BCL2L13: variants seen among roughly 807,000 people sequenced by gnomAD.
BCL2L13 encodes the protein bcl-2-like protein 13.
In BCL2L13, 13 loss-of-function variants were observed where a neutral mutation model predicts 25.8. That is an observed-to-expected ratio of 0.50 (90% confidence interval 0.33 to 0.80). BCL2L13 has a LOEUF of 0.80. Among genes scored for constraint, BCL2L13 ranks in the 30% least tolerant of loss-of-function variants. The pLI is 0.02. For synonymous variants in BCL2L13, 244 were observed against 230.3 expected (o/e 1.06, Z -0.54); for missense variants, 504 against 574.9 (o/e 0.88, Z 1.26).
chr22:17,631,711 T>A (rs1184244232), intron 1 of BCL2L13, among the ~76,000 whole-genome samples: 2 of 19,986 alleles, frequency 1.0e-4, no homozygotes, highest in African/African-American at 1.7e-4. Flanking sequence ...TATATATTTT[T>A]TTTTTTTTTT....
In BCL2L13 at chr22:17,671,393, C is replaced by CA. The variant is rs33951569; in HGVS notation, c.122-11797dup. Among the ~76,000 whole-genome samples, 93 of 69,034 alleles carry CA rather than the reference C, an allele frequency of 1.3e-3. 2 individuals are homozygous for CA. The highest frequency in any genetic ancestry group is 1.6e-3 in the Non-Finnish European group (62 of 37,702). The allele number at this position is 69,034 out of a possible 152,430, so 45.3% of individuals were successfully genotyped here. A position where few individuals can be genotyped will look rare whatever the true frequency, so the allele number is the denominator to read the frequency against. On this transcript the variant is annotated intron_variant, in intron 2 of 6. Coordinates refer to ENST00000317582, the MANE Select transcript of BCL2L13 (RefSeq NM_015367.4). ...TGGGTGACAGAGCGAGACTCCATCTCAAAAAAAAAAAAAAAAAAAAAAAAT... is the reference window on the plus strand; with the variant it reads ...TGGGTGACAGAGCGAGACTCCATCTCAAAAAAAAAAAAAAAAAAAAAAAAAT...
Position 17,715,227 on chromosome 22 carries a change from G to GC in BCL2L13, c.601-11449dup, listed in dbSNP as rs200660000. 3.0e-3 allele frequency among the ~76,000 whole-genome samples: 365 copies of GC among 122,954 alleles called. 1 individual carries two copies. The highest frequency in any genetic ancestry group is 0.011 in the African/African-American group (348 of 31,590). 80.7% of individuals were successfully genotyped at this position (122,954 alleles called of 152,430 possible). ...TTGAGGTAGGGTCTCGGTTACCCAGGCTGGAGTACAGTGGTGCAGACTTGG... is the reference window on the plus strand; with the variant it reads ...TTGAGGTAGGGTCTCGGTTACCCAGGCCTGGAGTACAGTGGTGCAGACTTGG... On this transcript the variant is annotated intron_variant, in intron 6 of 6. Transcript: ENST00000317582.
At chr22:17,687,189 T>C (rs1377572418) in intron 3 of BCL2L13, among the ~76,000 whole-genome samples, 1 of 152,228 alleles carries the variant, frequency 6.6e-6, no homozygotes, top group Admixed American at 6.5e-5. Flanking sequence ...GCAAGCGGCC[T>C]GCTTTCCTGG....
chr22:17,702,110 T>C, intron 5 of BCL2L13, 133 bp from the exon 6 acceptor site: 1 of 724,392 alleles, frequency 1.4e-6, no homozygotes, highest in Non-Finnish European at 2.2e-6. Context: ...AGTTACTGTT[T>C]TATTTCCTTT....
intron 2 of BCL2L13, among the ~76,000 whole-genome samples, chr22:17,661,725 C>T (rs1010094732): frequency 2.1e-5 from 3 of 146,080 alleles, no homozygotes; most frequent in African/African-American, 7.3e-5. Context: ...GGTGTGGTGG[C>T]TCACACCTGT....
At chr22:17,686,418 C>T in intron 3 of BCL2L13, among the ~76,000 whole-genome samples, 1 of 151,974 alleles carries the variant, frequency 6.6e-6, no homozygotes, top group East Asian at 1.9e-4. Flanking sequence ...CCACTGTACT[C>T]CAGGCTGGGT....
Position 17,726,780 on chromosome 22 carries a change from T to G in BCL2L13, c.704T>G (p.Val235Gly), listed in dbSNP as rs1188361443. 3 of 1,614,174 alleles carry G rather than the reference T, an allele frequency of 1.9e-6. No homozygotes were observed. In the East Asian group the frequency reaches 6.7e-5, roughly 36 times the overall value. Residue 235 changes from valine to glycine, a missense_variant, in exon 7 of 7, where the codon GTC becomes GGC. By Grantham distance (109) the Val-to-Gly change is moderately radical. Transcript: ENST00000317582. ...YILPSDNSGQ[V>G]SPPESPTVTT... The stretch of plus-strand genomic sequence containing the variant: ...CTGCCCAGCGACAACTCTGGACAAG[T>G]CAGTCCCCCAGAGTCTCCAACTGTG...
chr22:17,679,046 G>A (rs1441587904), intron 2 of BCL2L13, among the ~76,000 whole-genome samples: 1 of 152,148 alleles, frequency 6.6e-6, no homozygotes, highest in East Asian at 1.9e-4. Flanking sequence ...TCTAACAGAA[G>A]GTTAGTTGCT....
intron 4 of BCL2L13, among the ~76,000 whole-genome samples, chr22:17,691,154 A>AT (rs2060092641): frequency 6.6e-6 from 1 of 152,088 alleles, no homozygotes; most frequent in Non-Finnish European, 1.5e-5. Flanking sequence ...GGTGTGAGCC[A>AT]TTGTACCTAG....
At chr22:17,705,080 T>A (rs537939992) in intron 6 of BCL2L13, among the ~76,000 whole-genome samples, 1 of 149,302 alleles carries the variant, frequency 6.7e-6, no homozygotes, top group East Asian at 2.1e-4. Context: ...TAGACTTGAT[T>A]GTGAAAACTG....
intron 6 of BCL2L13, among the ~76,000 whole-genome samples, chr22:17,716,405 T>C (rs2060946092): frequency 6.6e-6 from 1 of 152,212 alleles, no homozygotes; most frequent in African/African-American, 2.4e-5. Flanking sequence ...CCAGTATCTA[T>C]GTGAATAAGG....
chr22:17,693,399 A>C (rs760573969), intron 4 of BCL2L13, among the ~76,000 whole-genome samples: 26 of 87,986 alleles, frequency 3.0e-4, no homozygotes, highest in Non-Finnish European at 4.0e-4. Flanking sequence ...TTTTTTTTGG[A>C]GACGGAGTCT....
At chr22:17,631,440 C>T (rs1329861236) in intron 1 of BCL2L13, among the ~76,000 whole-genome samples, 2 of 151,536 alleles carry the variant, frequency 1.3e-5, no homozygotes, top group Admixed American at 6.6e-5. Flanking sequence ...ATTCAGGTTA[C>T]GCATTATAGC....
chr22:17,681,205 GAAA>G (rs2059743953), intron 2 of BCL2L13, among the ~76,000 whole-genome samples: 6 of 152,002 alleles, frequency 3.9e-5, no homozygotes, highest in Non-Finnish European at 2.9e-5. Flanking sequence ...CAGGGACGGG[GAAA>G]GAAGGAGAAT....
intron 6 of BCL2L13, among the ~76,000 whole-genome samples, chr22:17,726,315 C>T (rs1422306728): frequency 6.7e-6 from 1 of 148,666 alleles, no homozygotes; most frequent in African/African-American, 2.5e-5. Context: ...TGTGCCACTG[C>T]ACTCTAGCCT....
chr22:17,637,827 C>A (rs78876317), upstream of BCL2L13, among the ~76,000 whole-genome samples: 755 of 152,274 alleles, frequency 5.0e-3, 4 homozygotes, highest in African/African-American at 0.017. Flanking sequence ...TTTATCACTT[C>A]CTTTAGAATA....
At chr22:17,655,980 C>A in intron 2 of BCL2L13, 148 bp downstream of exon 2, 1 of 751,228 alleles carries the variant, frequency 1.3e-6, no homozygotes, top group Non-Finnish European at 2.0e-6. Context: ...CGGTGGCTCA[C>A]ACCTGTTATG....
At chr22:17,690,329 GA>G (rs66462346) in intron 4 of BCL2L13, among the ~76,000 whole-genome samples, 1 of 151,350 alleles carries the variant, frequency 6.6e-6, no homozygotes, top group Admixed American at 6.6e-5. Flanking sequence ...CCATCTGAAA[GA>G]AAAAAATTTT....
chr22:17,649,331 A>G (rs2058598385), intron 1 of BCL2L13, among the ~76,000 whole-genome samples: 1 of 152,220 alleles, frequency 6.6e-6, no homozygotes, highest in African/African-American at 2.4e-5. Context: ...TCCTGACCTC[A>G]GGTGATCCGC....
Sources: gnomAD v4.1 joint callset for allele counts (sites outside exome capture counted in the v4.1 genomes callset) on GRCh38, gnomAD v4.1.1 for gene constraint, MANE v1.5 for transcripts, NCBI Gene and HGNC (gene_info 2026-07-23, HGNC 2026-07-21) for gene names.